Variants in CXCL13 observed in about 807,000 individuals in gnomAD.
CXCL13 encodes the protein C-X-C motif chemokine 13.
CXCL13 carries 7 observed loss-of-function variants against 12.2 expected under a neutral mutation model. That is an observed-to-expected ratio of 0.57 (90% confidence interval 0.33 to 1.07). The LOEUF (loss-of-function observed/expected upper bound fraction) is 1.07, where lower values mean the gene tolerates loss of function less well. Ranked by LOEUF, CXCL13 falls within the 50% of genes least tolerant of loss-of-function variation. CXCL13 has a pLI of 0.04. For missense variants in CXCL13, 113 were observed against 127.4 expected (o/e 0.89, Z 0.55); for synonymous variants, 47 against 42.4 (o/e 1.11, Z -0.42).
intron 1 of CXCL13, among the ~76,000 whole-genome samples, chr4:77,536,136 G>C (rs183671330): frequency 2.0e-3 from 302 of 152,200 alleles, no homozygotes; most frequent in African/African-American, 7.0e-3. Flanking sequence ...ACCCATATAA[G>C]TCAGCTTTTG....
At chr4:77,537,053 C>T (rs1391310618) in intron 1 of CXCL13, among the ~76,000 whole-genome samples, 1 of 152,084 alleles carries the variant, frequency 6.6e-6, no homozygotes, top group Non-Finnish European at 1.5e-5. Context: ...TAGATAAATA[C>T]TATTAGTAGC....
At chr4:77,528,564 C>T (rs1173911276) in intron 1 of CXCL13, among the ~76,000 whole-genome samples, 1 of 152,190 alleles carries the variant, frequency 6.6e-6, no homozygotes, top group Non-Finnish European at 1.5e-5. Context: ...CTTTTGGCTG[C>T]ATAAATGTCT....
At chr4:77,583,354 C>T (rs1350438381) in intron 1 of CXCL13, among the ~76,000 whole-genome samples, 3 of 152,186 alleles carry the variant, frequency 2.0e-5, no homozygotes, top group Non-Finnish European at 4.4e-5. Flanking sequence ...CTTCATCTCC[C>T]AACACAGTTC....
intron 1 of CXCL13, among the ~76,000 whole-genome samples, chr4:77,527,616 A>G (rs1035538600): frequency 2.0e-5 from 3 of 151,952 alleles, no homozygotes; most frequent in Non-Finnish European, 4.4e-5. Context: ...TGGGTGACAG[A>G]GTGAGACACA....
intron 1 of CXCL13, among the ~76,000 whole-genome samples, chr4:77,575,313 T>C (rs749701447): frequency 1.3e-5 from 2 of 151,942 alleles, no homozygotes; most frequent in Non-Finnish European, 1.5e-5. Context: ...TTTTTTATTA[T>C]AATACTTTAA....
Position 77,525,916 on chromosome 4 carries a change from GT to G in CXCL13, c.-43+14131del, listed in dbSNP as rs144567678. 4.3e-3 allele frequency among the ~76,000 whole-genome samples: 585 copies of G among 137,214 alleles called. 5 individuals carry two copies. Among genetic ancestry groups the G allele is most frequent in the African/African-American group, 0.017 (557 of 33,576 alleles). The allele number at this position is 137,214 out of a possible 152,430, so 90.0% of individuals were successfully genotyped here. On this transcript the variant is annotated intron_variant, in intron 1 of 4. Transcript: ENST00000286758. ...AAGGTAGGCTTTTTTTAAATTGTGG[GT>G]TTGTTTTTTTTTTATTATTTTTGCC...
Position 77,571,058 on chromosome 4 carries a change from G to A in CXCL13, c.-42-34766G>A, listed in dbSNP as rs560119019. Among the ~76,000 whole-genome samples, 56 of 152,122 alleles carry A rather than the reference G, an allele frequency of 3.7e-4. 2 individuals carry two copies. The highest frequency in any genetic ancestry group is 1.0e-3 in the African/African-American group (43 of 41,370). ...GGCCTGAGGAGTGTGAGCGCATGGC[G>A]CGGGACTGGCAGGCAGCTCCATCTG... On this transcript the variant is annotated intron_variant, in intron 1 of 4. Coordinates refer to the CXCL13 transcript ENST00000286758.
intron 1 of CXCL13, among the ~76,000 whole-genome samples, chr4:77,560,150 G>T (rs745318267): frequency 1.3e-5 from 2 of 152,060 alleles, no homozygotes; most frequent in Non-Finnish European, 2.9e-5. Context: ...CTGTGCAAGG[G>T]TATATATATG....
intron 1 of CXCL13, among the ~76,000 whole-genome samples, chr4:77,529,296 A>C (rs1409142793): frequency 1.3e-5 from 2 of 151,948 alleles, no homozygotes. Context: ...TTTAAAGTAG[A>C]TTTTTCTAAT....
At chr4:77,513,901 A>C (rs140292478) in intron 1 of CXCL13, among the ~76,000 whole-genome samples, 1,805 of 151,670 alleles carry the variant, frequency 0.012, 30 homozygotes, top group East Asian at 0.026. Context: ...GTGTGCTGCA[A>C]CCACTAACTC....
rs538535919 is a variant in CXCL13, at chr4:77,586,482, A to G, written c.-42-19342A>G. Among the ~76,000 whole-genome samples the G allele has an allele frequency of 2.6e-5, 4 of 152,242 alleles. 1 individual carries two copies. The South Asian group carries it at 8.3e-4, about 32-fold the overall frequency. On this transcript the variant is annotated intron_variant, in intron 1 of 4. Coordinates refer to the CXCL13 transcript ENST00000286758. Reference sequence around the variant, plus strand: ...CTCTTGCCAGGTCAGCTGAATATGAACTTAAAGGGACCTAACAAAACAGGC... The same window carrying G: ...CTCTTGCCAGGTCAGCTGAATATGAGCTTAAAGGGACCTAACAAAACAGGC...
rs544305733 is a variant in CXCL13 at position 77,572,578 on chromosome 4, C to CA, written c.-42-33237dup. 5.3e-3 allele frequency among the ~76,000 whole-genome samples: 787 copies of CA among 148,258 alleles called. 20 individuals are homozygous for CA. The highest frequency in any genetic ancestry group is 0.014 in the African/African-American group (542 of 40,094). On this transcript the variant is annotated intron_variant, in intron 1 of 4. Coordinates refer to the CXCL13 transcript ENST00000286758. ...GTCAGAATGGCTATTATTAAGAAGTCAAAAAAAAATAGATGTTCGTGAGGT... is the reference window on the plus strand; with the variant it reads ...GTCAGAATGGCTATTATTAAGAAGTCAAAAAAAAAATAGATGTTCGTGAGGT...
intron 1 of CXCL13, among the ~76,000 whole-genome samples, chr4:77,517,697 G>T (rs924333543): frequency 6.6e-6 from 1 of 152,098 alleles, no homozygotes; most frequent in African/African-American, 2.4e-5. Flanking sequence ...GAGCCTATGT[G>T]TGTCTCTGCA....
At chr4:77,556,124 A>G (rs1027789897) in intron 1 of CXCL13, among the ~76,000 whole-genome samples, 2 of 152,228 alleles carry the variant, frequency 1.3e-5, no homozygotes, top group Non-Finnish European at 1.5e-5. Context: ...AAATAAAAAC[A>G]TACATCCATT....
intron 1 of CXCL13, among the ~76,000 whole-genome samples, chr4:77,564,878 A>G (rs949823887): frequency 6.6e-6 from 1 of 152,220 alleles, no homozygotes; most frequent in Non-Finnish European, 1.5e-5. Context: ...TTTGTGGAGC[A>G]AAGTTCCCCA....
At chr4:77,528,310 G>A (rs1209696713) in intron 1 of CXCL13, among the ~76,000 whole-genome samples, 1 of 152,150 alleles carries the variant, frequency 6.6e-6, no homozygotes, top group Non-Finnish European at 1.5e-5. Context: ...GGATTGCTGG[G>A]TCAAATGGTA....
intron 1 of CXCL13, among the ~76,000 whole-genome samples, chr4:77,550,126 G>T (rs1725473932): frequency 6.6e-6 from 1 of 152,230 alleles, no homozygotes; most frequent in African/African-American, 2.4e-5. Flanking sequence ...GCAAGGCTCT[G>T]TTGGCATGGG....
intron 1 of CXCL13, among the ~76,000 whole-genome samples, chr4:77,517,978 C>A (rs1024230696): frequency 1.3e-5 from 2 of 152,188 alleles, no homozygotes; most frequent in Non-Finnish European, 2.9e-5. Context: ...GTGCTTCCTT[C>A]AGGAGCTCTT....
chr4:77,526,913 A>C (rs189404717), intron 1 of CXCL13, among the ~76,000 whole-genome samples: 7 of 152,290 alleles, frequency 4.6e-5, no homozygotes, highest in African/African-American at 1.7e-4. Context: ...CTGGTTAAAC[A>C]AGAAGAGTTG....
Sources: allele counts gnomAD v4.1 joint callset (sites outside exome capture counted in the v4.1 genomes callset), GRCh38; gene constraint gnomAD v4.1.1; transcripts MANE v1.5; gene names NCBI Gene and HGNC (gene_info 2026-07-23, HGNC 2026-07-21).